Variants in GRID2 observed in about 807,000 individuals in gnomAD.
GRID2 encodes the protein glutamate ionotropic receptor delta type subunit 2.
A neutral mutation model predicts 114.8 loss-of-function variants in GRID2; 33 were observed. The ratio of observed to expected loss-of-function variants is 0.29; its 90% confidence interval spans 0.22 to 0.38. The LOEUF (loss-of-function observed/expected upper bound fraction) is 0.38, where lower values mean the gene tolerates loss of function less well. Ranked by LOEUF, GRID2 falls within the 10% of genes least tolerant of loss-of-function variation. The pLI is 1.00. For synonymous variants in GRID2, 505 were observed against 449.9 expected (o/e 1.12, Z -1.55); for missense variants, 1,184 against 1,257.7 (o/e 0.94, Z 0.89).
intron 2 of GRID2, among the ~76,000 whole-genome samples, chr4:93,068,213 A>T (rs1032486149): frequency 2.6e-5 from 4 of 152,094 alleles, no homozygotes; most frequent in Non-Finnish European, 5.9e-5. Flanking sequence ...TGCAAATTAT[A>T]GTAAAGTATA....
At chr4:93,699,185 A>C (rs1349060370) in intron 14 of GRID2, among the ~76,000 whole-genome samples, 1 of 152,120 alleles carries the variant, frequency 6.6e-6, no homozygotes, top group Non-Finnish European at 1.5e-5. Flanking sequence ...AAAATTACCA[A>C]TTTTTTAAAA....
In GRID2 at chr4:92,409,981, C is replaced by G. The variant is rs550707167; in HGVS notation, c.88+105237C>G. 2.0e-5 allele frequency among the ~76,000 whole-genome samples: 3 copies of G among 152,240 alleles called. No homozygotes were observed. The South Asian group carries it at 6.2e-4, about 32-fold the overall frequency. On this transcript the variant is annotated intron_variant, in intron 1 of 15. Transcript: ENST00000282020. ...GATGAGGCTATAATAAAAGTTCTCCCTTGGAGTAGTCTCTCTAGTTTGTGA... is the reference window on the plus strand; with the variant it reads ...GATGAGGCTATAATAAAAGTTCTCCGTTGGAGTAGTCTCTCTAGTTTGTGA...
At chr4:93,697,679 C>G (rs1373483253) in intron 14 of GRID2, among the ~76,000 whole-genome samples, 1 of 151,670 alleles carries the variant, frequency 6.6e-6, no homozygotes, top group Non-Finnish European at 1.5e-5. Flanking sequence ...TACAAAATTT[C>G]AAAATTTCAA....
chr4:92,882,267 A>G (rs1746080890), intron 2 of GRID2, among the ~76,000 whole-genome samples: 1 of 152,234 alleles, frequency 6.6e-6, no homozygotes, highest in Admixed American at 6.5e-5. Context: ...TTATAGTGCT[A>G]AATATCAAGC....
intron 2 of GRID2, among the ~76,000 whole-genome samples, chr4:92,918,236 T>A (rs1273739132): frequency 1.3e-5 from 2 of 152,204 alleles, no homozygotes; most frequent in African/African-American, 4.8e-5. Flanking sequence ...GCCTATCAGC[T>A]TAAGGATATA....
intron 8 of GRID2, among the ~76,000 whole-genome samples, chr4:93,241,219 T>G (rs1265007174): frequency 6.6e-6 from 1 of 151,860 alleles, no homozygotes; most frequent in African/African-American, 2.4e-5. Flanking sequence ...GCACTCTTGC[T>G]CAGACTTTTA....
chr4:93,277,768 G>C (rs1169921322), intron 8 of GRID2, among the ~76,000 whole-genome samples: 1 of 151,804 alleles, frequency 6.6e-6, no homozygotes, highest in African/African-American at 2.4e-5. Context: ...CATTCCTAAA[G>C]TATCTGCCCC....
intron 1 of GRID2, among the ~76,000 whole-genome samples, chr4:92,359,688 C>T (rs755991381): frequency 7.2e-5 from 11 of 151,918 alleles, no homozygotes; most frequent in East Asian, 1.9e-4. Context: ...GCAGGTTAGA[C>T]GGGTGTTTAG....
chr4:93,437,306 G>A (rs1314276032), intron 10 of GRID2, among the ~76,000 whole-genome samples: 1 of 152,140 alleles, frequency 6.6e-6, no homozygotes, highest in African/African-American at 2.4e-5. Flanking sequence ...ACATAGCCAA[G>A]TTGTAGAGAA....
At chr4:92,908,957 T>C (rs575822736) in intron 2 of GRID2, among the ~76,000 whole-genome samples, 15 of 152,300 alleles carry the variant, frequency 9.8e-5, no homozygotes, top group African/African-American at 3.6e-4. Context: ...GAAAGTGATA[T>C]GAGAAATAAA....
intron 3 of GRID2, among the ~76,000 whole-genome samples, chr4:93,109,429 TTG>T (rs1248091271): frequency 6.6e-6 from 1 of 152,212 alleles, no homozygotes; most frequent in Admixed American, 6.5e-5. Context: ...TTTAGTCAAT[TTG>T]TAACCTTGCA....
chr4:92,965,523 G>C (rs913786712), intron 2 of GRID2, among the ~76,000 whole-genome samples: 2 of 123,074 alleles, frequency 1.6e-5, no homozygotes, highest in Non-Finnish European at 3.5e-5. Context: ...CAAAGATGAA[G>C]TGTAATAAAA....
intron 1 of GRID2, among the ~76,000 whole-genome samples, chr4:92,351,335 C>T (rs1728059833): frequency 6.6e-6 from 1 of 151,736 alleles, no homozygotes; most frequent in African/African-American, 2.4e-5. Flanking sequence ...CTCAAAAAAA[C>T]TTGATATTAC....
chr4:93,733,377 G>T (rs190086379), intron 14 of GRID2, among the ~76,000 whole-genome samples: 2 of 152,066 alleles, frequency 1.3e-5, no homozygotes, highest in Admixed American at 1.3e-4. Flanking sequence ...AAGTGCTCTG[G>T]CTTCCTTATT....
intron 2 of GRID2, among the ~76,000 whole-genome samples, chr4:92,603,470 G>A (rs1450114639): frequency 1.3e-5 from 2 of 152,054 alleles, no homozygotes; most frequent in Non-Finnish European, 2.9e-5. Context: ...TTAATAAATG[G>A]TGCTGGGAAA....
chr4:92,319,436 G>A (rs1239802019), intron 1 of GRID2, among the ~76,000 whole-genome samples: 1 of 152,198 alleles, frequency 6.6e-6, no homozygotes, highest in Non-Finnish European at 1.5e-5. Context: ...GAAGCAATGA[G>A]AGGAAGAAAA....
At chr4:93,163,025 C>T (rs1423799933) in intron 4 of GRID2, among the ~76,000 whole-genome samples, 2 of 151,854 alleles carry the variant, frequency 1.3e-5, no homozygotes, top group Non-Finnish European at 2.9e-5. Flanking sequence ...TATACATTTA[C>T]TTTAAAACAC....
chr4:93,223,024 G>A (rs1046750135), intron 6 of GRID2, among the ~76,000 whole-genome samples: 8 of 152,134 alleles, frequency 5.3e-5, no homozygotes, highest in Non-Finnish European at 1.0e-4. Flanking sequence ...AGTAGAACCA[G>A]GAGGGGTTAG....
intron 2 of GRID2, among the ~76,000 whole-genome samples, chr4:92,957,229 C>T (rs1355461803): frequency 2.6e-5 from 4 of 151,980 alleles, no homozygotes; most frequent in African/African-American, 4.8e-5. Flanking sequence ...TACCATCAAA[C>T]CCAAGGTCAT....
Sources: gnomAD v4.1 joint callset for allele counts (sites outside exome capture counted in the v4.1 genomes callset) on GRCh38, gnomAD v4.1.1 for gene constraint, MANE v1.5 for transcripts, NCBI Gene and HGNC (gene_info 2026-07-23, HGNC 2026-07-21) for gene names.